IL4R: variants seen among roughly 807,000 people sequenced by gnomAD.
The protein encoded by IL4R is interleukin-4 receptor subunit alpha.
Under a neutral mutation model 41.5 loss-of-function variants are expected in IL4R, and 17 were observed. The observed-to-expected ratio is 0.41, with a 90% CI of 0.28 to 0.61. The LOEUF is 0.61. IL4R is among the 20% of genes least tolerant of loss of function. IL4R has a pLI of 0.31. For synonymous variants in IL4R, 402 were observed against 422.9 expected (o/e 0.95, Z 0.61); for missense variants, 974 against 1,043.1 (o/e 0.93, Z 0.91).
At chr16:27,320,792 T>C (rs1596746709) in intron 1 of IL4R, among the ~76,000 whole-genome samples, 1 of 152,112 alleles carries the variant, frequency 6.6e-6, no homozygotes, top group African/African-American at 2.4e-5. Flanking sequence ...AGGCACCAGC[T>C]CTCTGGGCTG....
Position 27,363,034 on chromosome 16 carries a change from A to G in IL4R, c.1682A>G (p.His561Arg), listed in dbSNP as rs1467970339. Residue 561 changes from histidine to arginine, a missense_variant, in exon 11 of 11, where the codon CAT (histidine) becomes CGT (arginine). Coordinates refer to ENST00000395762, the MANE Select transcript of IL4R (RefSeq NM_000418.4). ...EQILRRNVLQ[H>R]GAAAAPVSAP... Reference sequence around the variant, plus strand: ...ATCCTCCGCCGAAATGTCCTCCAGCATGGGGCAGCTGCAGCCCCCGTCTCG... The same window carrying G: ...ATCCTCCGCCGAAATGTCCTCCAGCGTGGGGCAGCTGCAGCCCCCGTCTCG... 2 of 1,614,114 alleles carry G rather than the reference A, an allele frequency of 1.2e-6. No individual in the cohort carries two copies. The highest frequency in any genetic ancestry group is 1.3e-5 in the African/African-American group (1 of 75,066).
Position 27,362,978 on chromosome 16 carries a change from G to A in IL4R, c.1626G>A (p.Val542=). ...CCCAGCTCTCTGAGCCAACCACTGT[G>A]CCCCAACCTGAGCCAGAAACCTGGG... ...CVPQLSEPTT[V]PQPEPETWEQ... The change falls in exon 11 of 11, where the codon GTG becomes GTA. Residue 542 remains valine, a synonymous_variant. Coordinates refer to ENST00000395762, the MANE Select transcript of IL4R (RefSeq NM_000418.4). 2.5e-6 allele frequency: 4 copies of A among 1,614,100 alleles called. No individual in the cohort carries two copies. In the South Asian group the frequency reaches 4.4e-5, roughly 18 times the overall value.
At chr16:27,340,579 A>T (rs2085409211) in intron 3 of IL4R, among the ~76,000 whole-genome samples, 1 of 151,892 alleles carries the variant, frequency 6.6e-6, no homozygotes, top group African/African-American at 2.4e-5. Context: ...AATATTAGCC[A>T]GGTGTGGCAG....
intron 4 of IL4R, 142 bp downstream of exon 4, chr16:27,342,401 T>C: frequency 2.5e-4 from 219 of 860,272 alleles, no homozygotes; most frequent in Non-Finnish European, 3.8e-4. Flanking sequence ...AGAGGGGAGG[T>C]CCCATCTCCA....
At chr16:27,343,024 G>A (rs949676638) in intron 4 of IL4R, among the ~76,000 whole-genome samples, 4 of 152,210 alleles carry the variant, frequency 2.6e-5, no homozygotes, top group South Asian at 2.1e-4. Context: ...GAGGAGTACG[G>A]TGTTGAGAGT....
intron 1 of IL4R, among the ~76,000 whole-genome samples, chr16:27,321,529 C>A (rs1436084159): frequency 6.6e-6 from 1 of 152,214 alleles, no homozygotes; most frequent in Non-Finnish European, 1.5e-5. Flanking sequence ...TGGAATCATA[C>A]TGTGTAGCAG....
At position 27,362,864 on chromosome 16, in the gene IL4R, G is replaced by A. The variant is rs1171928581; in HGVS notation, c.1512G>A (p.Leu504=). The A allele has an allele frequency of 6.2e-7, 1 of 1,614,038 alleles. No homozygotes were observed. Among genetic ancestry groups the A allele is most frequent in the Non-Finnish European group, 8.5e-7 (1 of 1,180,056 alleles). ...NPAYRSFSNS[L]SQSPCPRELG... ...CTTACCGCAGCTTCAGCAACTCCCT[G>A]AGCCAGTCACCGTGTCCCAGAGAGC... The change falls in exon 11 of 11, where the codon CTG becomes CTA. Residue 504 remains leucine, a synonymous_variant. Coordinates refer to ENST00000395762, the MANE Select transcript of IL4R (RefSeq NM_000418.4).
At position 27,344,851 on chromosome 16, in the gene IL4R, C is replaced by T. The variant is rs1261850193; in HGVS notation, c.210-18C>T. 1.9e-6 allele frequency: 3 copies of T among 1,613,598 alleles called. No individual in the cohort carries two copies. The highest frequency in any genetic ancestry group is 2.5e-6 in the Non-Finnish European group (3 of 1,179,758). On this transcript the variant is annotated intron_variant, in intron 4 of 10. Transcript: ENST00000395762. ...CAGCCTACAGGTGACCAGCCTAACC[C>T]AGCCCCTGTGTCTGCAGAGCCCACA...
intron 2 of IL4R, among the ~76,000 whole-genome samples, chr16:27,332,242 C>T (rs2085131103): frequency 6.6e-6 from 1 of 152,068 alleles, no homozygotes; most frequent in African/African-American, 2.4e-5. Flanking sequence ...ACTCACAGTT[C>T]TGCAGGGCTG....
chr16:27,335,399 A>T (rs1436069926), intron 2 of IL4R, among the ~76,000 whole-genome samples: 1 of 151,882 alleles, frequency 6.6e-6, no homozygotes, highest in Admixed American at 6.6e-5. Flanking sequence ...ATGAAGTCTG[A>T]CTCTGTTGCC....
chr16:27,335,447 A>G (rs2085236363), intron 2 of IL4R, among the ~76,000 whole-genome samples: 1 of 152,058 alleles, frequency 6.6e-6, no homozygotes, highest in Non-Finnish European at 1.5e-5. Context: ...AGCTCACTGC[A>G]GCCTCCAACT....
At position 27,363,233 on chromosome 16, in the gene IL4R, G is replaced by T; in HGVS notation, c.1881G>T (p.Gly627=). 1 of 1,606,794 alleles carries T rather than the reference G, an allele frequency of 6.2e-7. No homozygotes were observed. The stretch of plus-strand genomic sequence containing the variant: ...AATGTGGGTTTGGGGCTAGCAGTGG[G>T]GAAGAGGGGTATAAGCCTTTCCAAG... ...PEKCGFGASS[G]EEGYKPFQDL... Residue 627 remains glycine (G), a synonymous_variant, in exon 11 of 11, where the codon GGG becomes GGT. Coordinates refer to ENST00000395762, the MANE Select transcript of IL4R (RefSeq NM_000418.4).
chr16:27,321,825 T>C (rs559896282), intron 1 of IL4R, among the ~76,000 whole-genome samples: 3 of 152,340 alleles, frequency 2.0e-5, no homozygotes, highest in Non-Finnish European at 2.9e-5. Context: ...TATTTAATTA[T>C]ATGCTTTTTA....
Position 27,339,293 on chromosome 16 carries a change from T to C in IL4R, c.-18-893T>C, listed in dbSNP as rs534587870. 8.5e-5 allele frequency among the ~76,000 whole-genome samples: 13 copies of C among 152,244 alleles called. No homozygotes were observed. The East Asian group carries it at 2.3e-3, about 27-fold the overall frequency. On this transcript the variant is annotated intron_variant, in intron 2 of 10. Transcript: ENST00000395762. ...AGCTGGGACTAGAGATGCACACCAT[T>C]GCACCCAATAGAGCAATACGTTTCT...
At position 27,362,532 on chromosome 16, in the gene IL4R, G is replaced by A; in HGVS notation, c.1180G>A (p.Asp394Asn). Residue 394 changes from aspartate to asparagine, a missense_variant, in exon 11 of 11, where the codon GAC (aspartate) becomes AAC (asparagine). Transcript: ENST00000395762. ...FCASPESSRDDFQEGREGIVA... is the reference protein window; with the variant it reads ...FCASPESSRDNFQEGREGIVA... ...TGCATCGCCTGAGAGCAGCAGGGAT[G>A]ACTTCCAGGAGGGAAGGGAGGGCAT... 1 of 1,614,208 alleles carries A rather than the reference G, an allele frequency of 6.2e-7. No homozygotes were observed. Among genetic ancestry groups the A allele is most frequent in the Non-Finnish European group, 8.5e-7 (1 of 1,180,044 alleles).
At chr16:27,348,780 G>A (rs1168001619) in intron 6 of IL4R, among the ~76,000 whole-genome samples, 1 of 152,198 alleles carries the variant, frequency 6.6e-6, no homozygotes, top group African/African-American at 2.4e-5. Flanking sequence ...TAGGGCTGCA[G>A]GTGGGCTCAG....
chr16:27,324,458 G>A (rs1441117732), intron 1 of IL4R, among the ~76,000 whole-genome samples: 1 of 152,208 alleles, frequency 6.6e-6, no homozygotes, highest in Non-Finnish European at 1.5e-5. Flanking sequence ...CACCTGCTGT[G>A]TGCCAGGCAC....
At chr16:27,359,796 A>C (rs1417820731) in intron 9 of IL4R, 3 of 457,000 alleles carry the variant, frequency 6.6e-6, no homozygotes, top group Non-Finnish European at 8.8e-6. Flanking sequence ...GCAAATACCA[A>C]GTGCCATTTA....
intron 10 of IL4R, 22 bp downstream of exon 10, chr16:27,360,837 A>T (rs2086257096): frequency 6.2e-7 from 1 of 1,614,056 alleles, no homozygotes. Context: ...AACTTAGGTC[A>T]CAGCCTGCAT....
Sources: allele counts gnomAD v4.1 joint callset (sites outside exome capture counted in the v4.1 genomes callset), GRCh38; gene constraint gnomAD v4.1.1; transcripts MANE v1.5; gene names NCBI Gene and HGNC (gene_info 2026-07-23, HGNC 2026-07-21).